Variants in RNASEL observed in about 807,000 individuals in gnomAD.
RNASEL encodes ribonuclease L, also known as 2-5A-dependent ribonuclease.
A neutral mutation model predicts 50.9 loss-of-function variants in RNASEL; 36 were observed. The ratio of observed to expected loss-of-function variants is 0.71; its 90% confidence interval spans 0.54 to 0.93. RNASEL has a LOEUF of 0.93. Ranked by LOEUF, RNASEL falls within the 40% of genes least tolerant of loss-of-function variation. The probability of loss-of-function intolerance (pLI) is 0.00; values close to 1 mark genes in which losing one functional copy is unlikely to be tolerated. For synonymous variants in RNASEL, 335 were observed against 335.6 expected (o/e 1.00, Z 0.02); for missense variants, 860 against 894.5 (o/e 0.96, Z 0.49).
At chr1:182,583,455 A>G (rs1661532473) in intron 3 of RNASEL, among the ~76,000 whole-genome samples, 1 of 152,210 alleles carries the variant, frequency 6.6e-6, no homozygotes, top group East Asian at 1.9e-4. Flanking sequence ...CCCATAGGAA[A>G]TAAGGTAATG....
intron 5 of RNASEL, among the ~76,000 whole-genome samples, 194 bp downstream of exon 5, chr1:182,581,031 G>T (rs1661482964): frequency 6.6e-6 from 1 of 152,182 alleles, no homozygotes; most frequent in Non-Finnish European, 1.5e-5. Flanking sequence ...GAGAGGGAGG[G>T]CCAGCTTCTG....
Position 182,586,423 on chromosome 1 carries a change from G to A in RNASEL, c.384C>T (p.Ala128=), listed in dbSNP as rs377386196. Residue 128 remains alanine (A), a synonymous_variant, in exon 2 of 7, where the codon GCC becomes GCT. Transcript: ENST00000367559. ...VNECDFYGFT[A]FMEAAVYGKV... Reference sequence around the variant, plus strand: ...TACCATACACAGCGGCTTCCATGAAGGCTGTGAAGCCATAAAAATCACACT... The same window carrying A: ...TACCATACACAGCGGCTTCCATGAAAGCTGTGAAGCCATAAAAATCACACT... The A allele has an allele frequency of 6.2e-7, 1 of 1,614,122 alleles. No individual in the cohort carries two copies. The highest frequency in any genetic ancestry group is 1.1e-5 in the South Asian group (1 of 91,072).
rs1436465044 is a variant in RNASEL at position 182,581,325 on chromosome 1, T to G, written c.1805A>C (p.Glu602Ala). ...RYRTLRNVGN[E>A]SDIKTRKSES... Reference sequence around the variant, plus strand: ...AGATTTTCGTGTTTTGATGTCGGATTCATTTCCCACATTCCGAAGCGTCCT... The same window carrying G: ...AGATTTTCGTGTTTTGATGTCGGATGCATTTCCCACATTCCGAAGCGTCCT... Residue 602 changes from glutamate to alanine, a missense_variant, in exon 5 of 7, where the codon GAA (glutamate) becomes GCA (alanine). Coordinates refer to ENST00000367559, the MANE Select transcript of RNASEL (RefSeq NM_021133.4). 6.2e-7 allele frequency: 1 copy of G among 1,613,962 alleles called. No individual in the cohort carries two copies. The highest frequency in any genetic ancestry group is 8.5e-7 in the Non-Finnish European group (1 of 1,180,010).
intron 3 of RNASEL, among the ~76,000 whole-genome samples, chr1:182,583,227 G>A (rs540285886): frequency 1.3e-5 from 2 of 152,296 alleles, no homozygotes; most frequent in East Asian, 3.9e-4. Context: ...AGGTAGTGGA[G>A]GAAGAGAGAT....
rs749184254 is a variant in RNASEL at position 182,579,506 on chromosome 1, G to A, written c.1905+1719C>T. Reference sequence around the variant, plus strand: ...TCTGTGCAGAACACCCGTGAGAAACGCCAAGCACGTATGTGTGGCAGGATG... The same window carrying A: ...TCTGTGCAGAACACCCGTGAGAAACACCAAGCACGTATGTGTGGCAGGATG... On this transcript the variant is annotated intron_variant, in intron 5 of 6. Coordinates refer to ENST00000367559, the MANE Select transcript of RNASEL (RefSeq NM_021133.4). 22 of 1,082,614 alleles carry A rather than the reference G, an allele frequency of 2.0e-5. No individual in the cohort carries two copies. In the South Asian group the frequency reaches 3.2e-4, roughly 16 times the overall value. The allele number at this position is 1,082,614 out of a possible 1,614,324, so 67.1% of individuals were successfully genotyped here.
chr1:182,585,544 A>G lies in RNASEL; in HGVS notation c.1263T>C (p.Tyr421=), dbSNP rs2102370209. 6.2e-7 allele frequency: 1 copy of G among 1,614,200 alleles called. No homozygotes were observed. The highest frequency in any genetic ancestry group is 1.1e-5 in the South Asian group (1 of 91,086). ...SRENSHLVTF[Y]GSESHRGHLF... ...AGTGGCCCCTGTGGCTCTCACTCCC[A>G]TAGAATGTCACCAAGTGACTGTTCT... is the stretch of plus-strand genomic sequence containing the variant. Residue 421 remains tyrosine, a synonymous_variant, in exon 2 of 7, where the codon TAT becomes TAC. Transcript: ENST00000367559.
At chr1:182,582,435 C>T (rs1334179298) in intron 3 of RNASEL, among the ~76,000 whole-genome samples, 177 bp from the exon 4 acceptor site, 2 of 152,156 alleles carry the variant, frequency 1.3e-5, no homozygotes, top group African/African-American at 4.8e-5. Context: ...GGCAGTATAT[C>T]GCCCATACCA....
intron 4 of RNASEL, among the ~76,000 whole-genome samples, chr1:182,581,714 T>C (rs1283846990): frequency 6.6e-6 from 1 of 152,026 alleles, no homozygotes; most frequent in Non-Finnish European, 1.5e-5. Flanking sequence ...ACTCCTGACC[T>C]CATGATCCAC....
rs770477877 is a variant in RNASEL at position 182,585,773 on chromosome 1, G to GC, written c.1033dup (p.Ala345GlyfsTer22). 45 of 1,613,948 alleles carry GC rather than the reference G, an allele frequency of 2.8e-5. No homozygotes were observed. The Admixed American group carries it at 3.3e-4, about 12-fold the overall frequency. ...TATTCTGTGGAGATCCTTCAGGGCT[G>GC]CCCCCCAGTGTGAGCTCTGAGGCTT... On this transcript the variant is annotated frameshift_variant, in exon 2 of 7. Coordinates refer to ENST00000367559, the MANE Select transcript of RNASEL (RefSeq NM_021133.4). LOFTEE classifies it high-confidence loss of function.
At chr1:182,582,716 G>A (rs1661519325) in intron 3 of RNASEL, among the ~76,000 whole-genome samples, 1 of 152,156 alleles carries the variant, frequency 6.6e-6, no homozygotes, top group African/African-American at 2.4e-5. Context: ...GTGGCCAGGA[G>A]GAAAGGCCAA....
chr1:182,581,356 G>A lies in RNASEL; in HGVS notation c.1774C>T (p.Arg592Cys), dbSNP rs534960363. 2.6e-5 allele frequency: 42 copies of A among 1,613,662 alleles called. No individual in the cohort carries two copies. The Admixed American group carries it at 6.0e-4, about 23-fold the overall frequency. Reference protein sequence around the residue: ...GHPFFWTWESRYRTLRNVGNE... With the variant: ...GHPFFWTWESCYRTLRNVGNE... ...CCCACATTCCGAAGCGTCCTATAGC[G>A]GCTGAAGATGACTAAATGATCTAAA... The change falls in exon 5 of 7, where the codon CGC becomes TGC. Residue 592 changes from arginine to cysteine, a missense_variant and splice_region_variant. Physicochemically the swap from Arg to Cys is radical, Grantham distance 180. Transcript: ENST00000367559.
chr1:182,579,181 A>T lies in RNASEL; in HGVS notation c.1905+2044T>A, dbSNP rs1335361711. On this transcript the variant is annotated intron_variant, in intron 5 of 6. Coordinates refer to ENST00000367559, the MANE Select transcript of RNASEL (RefSeq NM_021133.4). The stretch of plus-strand genomic sequence containing the variant: ...AAGCCCAACTTTACCACTACACAAT[A>T]TATCCATGTAACAAAACTATACTAG... 5 of 918,424 alleles carry T rather than the reference A, an allele frequency of 5.4e-6. No homozygotes were observed. In the South Asian group the frequency reaches 2.0e-4, roughly 37 times the overall value. The allele number at this position is 918,424 out of a possible 1,614,324, so 56.9% of individuals were successfully genotyped here. A position where few individuals can be genotyped will look rare whatever the true frequency, so the allele number is the denominator to read the frequency against.
chr1:182,575,311 GT>G lies in RNASEL; in HGVS notation c.*80del. 1.4e-6 allele frequency: 2 copies of G among 1,447,226 alleles called. No individual in the cohort carries two copies. The highest frequency in any genetic ancestry group is 2.3e-5 in the South Asian group (2 of 87,452). The allele number at this position is 1,447,226 out of a possible 1,614,324, so 89.6% of individuals were successfully genotyped here. On this transcript the variant is annotated 3_prime_UTR_variant, in exon 7 of 7. Transcript: ENST00000367559. Reference sequence around the variant, plus strand: ...TCATCCCTCACAAGCAACCTGGTGAGTTAAAAGGCCCAGAATGTTGTGATTT... The same window carrying G: ...TCATCCCTCACAAGCAACCTGGTGAGTAAAAGGCCCAGAATGTTGTGATTT...
Position 182,575,362 on chromosome 1 carries a change from T to TAC in RNASEL, c.*29_*30insGT. 1 of 1,605,898 alleles carries TAC rather than the reference T, an allele frequency of 6.2e-7. No individual in the cohort carries two copies. Among genetic ancestry groups the TAC allele is most frequent in the Admixed American group, 1.7e-5 (1 of 60,000 alleles). On this transcript the variant is annotated 3_prime_UTR_variant, in exon 7 of 7. Coordinates refer to ENST00000367559, the MANE Select transcript of RNASEL (RefSeq NM_021133.4). ...TGCCAAGGACTCTACAGCTAATAAG[T>TAC]AGTTCCCTGAACTCCAGCAAATCAG...
In RNASEL at chr1:182,574,766, A is replaced by C. The variant is rs975307019; in HGVS notation, c.*626T>G. ...TACTGCCTTAAGGTCATGGAAAACC[A>C]ATGCAGTTGGTTCTGGAAGGAGTGG... is the stretch of plus-strand genomic sequence containing the variant. On this transcript the variant is annotated 3_prime_UTR_variant, in exon 7 of 7. Coordinates refer to ENST00000367559, the MANE Select transcript of RNASEL (RefSeq NM_021133.4). 4 of 232,172 alleles carry C rather than the reference A, an allele frequency of 1.7e-5. No homozygotes were observed. Among genetic ancestry groups the C allele is most frequent in the Non-Finnish European group, 3.4e-5 (4 of 117,904 alleles). The allele number at this position is 232,172 out of a possible 1,614,324, so 14.4% of individuals were successfully genotyped here.
chr1:182,575,655 A>C, intron 6 of RNASEL, 77 bp from the exon 7 acceptor site: 2 of 1,560,302 alleles, frequency 1.3e-6, no homozygotes, highest in Non-Finnish European at 1.7e-6. Context: ...GGCCCTGAAG[A>C]TCTCTTTGCT....
chr1:182,586,901 A>C lies in RNASEL; in HGVS notation c.-95T>G. The C allele has an allele frequency of 6.5e-7, 1 of 1,541,476 alleles. No homozygotes were observed. On this transcript the variant is annotated 5_prime_UTR_variant, in exon 2 of 7. Coordinates refer to ENST00000367559, the MANE Select transcript of RNASEL (RefSeq NM_021133.4). Reference sequence around the variant, plus strand: ...TTAATCAAAGAAGCTTTGAGTGTAAATTGGGATTCTCTGGCAACAGAGCAG... The same window carrying C: ...TTAATCAAAGAAGCTTTGAGTGTAACTTGGGATTCTCTGGCAACAGAGCAG...
chr1:182,582,330 C>G, intron 3 of RNASEL, 72 bp from the exon 4 acceptor site: 1 of 1,546,316 alleles, frequency 6.5e-7, no homozygotes, highest in Non-Finnish European at 8.9e-7. Context: ...GAGTGGTGCA[C>G]GCTATTAGCA....
rs1355296980 is a variant in RNASEL, at chr1:182,586,913, T to C, written c.-107A>G. 2 of 1,436,882 alleles carry C rather than the reference T, an allele frequency of 1.4e-6. No homozygotes were observed. The highest frequency in any genetic ancestry group is 1.9e-6 in the Non-Finnish European group (2 of 1,028,836). 89.0% of individuals were successfully genotyped at this position (1,436,882 alleles called of 1,614,324 possible). The stretch of plus-strand genomic sequence containing the variant: ...GCTTTGAGTGTAAATTGGGATTCTC[T>C]GGCAACAGAGCAGCAGTATGAAGAA... On this transcript the variant is annotated 5_prime_UTR_variant, in exon 2 of 7. Coordinates refer to ENST00000367559, the MANE Select transcript of RNASEL (RefSeq NM_021133.4).
Sources: gnomAD v4.1 joint callset for allele counts (sites outside exome capture counted in the v4.1 genomes callset) on GRCh38, gnomAD v4.1.1 for gene constraint, MANE v1.5 for transcripts, NCBI Gene and HGNC (gene_info 2026-07-23, HGNC 2026-07-21) for gene names.